The following DLEC1 variants were observed in gnomAD, a reference collection of about 807,000 sequenced individuals.
DLEC1 encodes the protein deleted in lung and esophageal cancer protein 1.
Under a neutral mutation model 198.1 loss-of-function variants are expected in DLEC1, and 146 were observed. The ratio of observed to expected loss-of-function variants is 0.74; its 90% CI spans 0.64 to 0.85. The LOEUF is 0.85. Among genes scored for constraint, DLEC1 ranks in the 40% least tolerant of loss-of-function variants. The pLI, the probability that DLEC1 is intolerant of heterozygous loss-of-function variation, is 0.00. For missense variants in DLEC1, 2,233 were observed against 2,220.0 expected, an observed-to-expected ratio of 1.01 and a Z score of -0.12; for synonymous variants, 897 against 866.8, an observed-to-expected ratio of 1.03 and a Z score of -0.61.
chr3:38,106,041 A>G (rs964820286), intron 19 of DLEC1, among the ~76,000 whole-genome samples: 1 of 152,204 alleles, frequency 6.6e-6, no homozygotes, highest in African/African-American at 2.4e-5. Flanking sequence ...GTAGTCTGAA[A>G]TGTTACTGTA....
At position 38,117,596 on chromosome 3, in the gene DLEC1, G is replaced by A. The variant is rs753576346; in HGVS notation, c.4470G>A (p.Glu1490=). ...FQCQASDLIP[E]QPCSGVLSEL... ...GCCAGGCCAGTGACCTCATTCCCGA[G>A]CAGCCCTGCTCTGGGGTGAGTGTGC... Residue 1490 remains glutamate, a synonymous_variant, in exon 32 of 37, where the codon GAG becomes GAA. Transcript: ENST00000308059. 3.1e-6 allele frequency: 5 copies of A among 1,614,038 alleles called. No individual in the cohort carries two copies. Among genetic ancestry groups the A allele is most frequent in the Non-Finnish European group, 4.2e-6 (5 of 1,180,008 alleles).
At chr3:38,098,896 A>T (rs1268848352) in intron 18 of DLEC1, among the ~76,000 whole-genome samples, 1 of 152,154 alleles carries the variant, frequency 6.6e-6, no homozygotes, top group Non-Finnish European at 1.5e-5. Flanking sequence ...AGTACCTGTT[A>T]CACAGGCTTG....
rs369061348 is a variant in DLEC1, at chr3:38,116,844, G to A, written c.4134G>A (p.Glu1378=). The A allele has an allele frequency of 1.2e-6, 2 of 1,613,710 alleles. No homozygotes were observed. Among genetic ancestry groups the A allele is most frequent in the Admixed American group, 3.3e-5 (2 of 59,974 alleles). ...TCTCAGTCATCCTGCAGGCACATGAGGGGGTGCCCTCCGGCCACCTGTACT... is the reference window on the plus strand; with the variant it reads ...TCTCAGTCATCCTGCAGGCACATGAAGGGGTGCCCTCCGGCCACCTGTACT... The part of the protein sequence containing the change: ...KLISVILQAH[E]GVPSGHLYCI... Residue 1378 remains glutamate, a synonymous_variant, in exon 29 of 37, where the codon GAG becomes GAA. Coordinates refer to ENST00000308059, the MANE Select transcript of DLEC1 (RefSeq NM_007335.4).
chr3:38,061,899 A>G (rs991733031), intron 3 of DLEC1, among the ~76,000 whole-genome samples: 1 of 152,108 alleles, frequency 6.6e-6, no homozygotes, highest in African/African-American at 2.4e-5. Flanking sequence ...GCTGGTGTCA[A>G]CTCCTGGGCT....
rs1296368392 is a variant in DLEC1 at position 38,047,069 on chromosome 3, C to T, written c.562+1376C>T. Among the ~76,000 whole-genome samples the T allele has an allele frequency of 3.3e-5, 5 of 152,128 alleles. No individual in the cohort carries two copies. The East Asian group carries it at 9.6e-4, about 29-fold the overall frequency. On this transcript the variant is annotated intron_variant, in intron 2 of 36. Coordinates refer to ENST00000308059, the MANE Select transcript of DLEC1 (RefSeq NM_007335.4). ...GGGTCACGTGATGTTAACCTCCATC[C>T]CCTGAGTAGGTTGGTGTCTGCCAGG...
intron 9 of DLEC1, among the ~76,000 whole-genome samples, chr3:38,087,536 C>T (rs1698529137): frequency 7.1e-6 from 1 of 140,014 alleles, no homozygotes; most frequent in African/African-American, 2.7e-5. Flanking sequence ...AGCACTGACA[C>T]CATCCATCAG....
chr3:38,114,300 A>C, intron 25 of DLEC1, 42 bp from the exon 26 acceptor site: 45 of 1,603,596 alleles, frequency 2.8e-5, no homozygotes, highest in Non-Finnish European at 3.6e-5. Context: ...ATGTGGTCGC[A>C]ACCGGTGACA....
chr3:38,112,492 C>T lies in DLEC1; in HGVS notation c.3666+131C>T, dbSNP rs535991142. The T allele has an allele frequency of 6.1e-5, 84 of 1,369,392 alleles. No individual in the cohort carries two copies. Among genetic ancestry groups the T allele is most frequent in the Non-Finnish European group, 7.6e-5 (76 of 1,001,440 alleles). The allele number at this position is 1,369,392 out of a possible 1,614,324, so 84.8% of individuals were successfully genotyped here. On this transcript the variant is annotated intron_variant, in intron 25 of 36. Transcript: ENST00000308059. This position sits in a 1 kb window ranked among gnomAD's most constrained non-coding sequence, Gnocchi z 4.8. ...CACCAGGTTGAAACGCGATGCCCAC[C>T]GAGCTTGGGATGGGCATTCGTGTCT...
chr3:38,104,515 A>T (rs1026227823), intron 19 of DLEC1, among the ~76,000 whole-genome samples: 3 of 151,686 alleles, frequency 2.0e-5, no homozygotes, highest in Non-Finnish European at 2.9e-5. Flanking sequence ...GGTAGTTTGC[A>T]TCACTCTAGG....
chr3:38,053,183 C>T (rs1167236275), intron 2 of DLEC1, among the ~76,000 whole-genome samples: 4 of 152,174 alleles, frequency 2.6e-5, no homozygotes, highest in Non-Finnish European at 5.9e-5. Context: ...CCCAAAGTGC[C>T]GAGATTGCAG....
At chr3:38,067,206 A>G (rs1299352631) in intron 6 of DLEC1, among the ~76,000 whole-genome samples, 1 of 152,254 alleles carries the variant, frequency 6.6e-6, no homozygotes, top group South Asian at 2.1e-4. Flanking sequence ...CGGCTAAACT[A>G]TAAAGTGTAA....
chr3:38,062,978 G>A (rs1696777786), intron 5 of DLEC1, among the ~76,000 whole-genome samples, 177 bp downstream of exon 5: 1 of 152,144 alleles, frequency 6.6e-6, no homozygotes, highest in South Asian at 2.1e-4. Flanking sequence ...CTTCCCCAGA[G>A]TCCTGGGTTT....
At chr3:38,084,270 T>C (rs1698229676) in intron 7 of DLEC1, 25 bp downstream of exon 7, 1 of 1,589,284 alleles carries the variant, frequency 6.3e-7, no homozygotes, top group South Asian at 1.1e-5. Context: ...TGTAAGTTCA[T>C]TAGTAGTAGT....
chr3:38,093,862 G>A, intron 12 of DLEC1, 95 bp downstream of exon 12: 2 of 1,466,892 alleles, frequency 1.4e-6, no homozygotes, highest in Non-Finnish European at 1.9e-6. Flanking sequence ...CCAAGGGCCT[G>A]GGGAAGACTG....
intron 6 of DLEC1, among the ~76,000 whole-genome samples, chr3:38,082,183 A>C (rs1285695543): frequency 7.2e-6 from 1 of 138,212 alleles, no homozygotes; most frequent in Non-Finnish European, 1.6e-5. Flanking sequence ...GGCGCTCCCC[A>C]CATCTCAGAC....
At position 38,096,748 on chromosome 3, in the gene DLEC1, G is replaced by T. The variant is rs1401471543; in HGVS notation, c.2340+11G>T. The T allele has an allele frequency of 8.1e-6, 13 of 1,598,878 alleles. No homozygotes were observed. The Middle Eastern group carries it at 5.6e-4, about 68-fold the overall frequency. Reference sequence around the variant, plus strand: ...AAGAAGGCTTTTAAGGTAGGTCATTGTCTCTCCCCTGCCTAGGCTGGCCGA... The same window carrying T: ...AAGAAGGCTTTTAAGGTAGGTCATTTTCTCTCCCCTGCCTAGGCTGGCCGA... On this transcript the variant is annotated intron_variant, in intron 15 of 36. Transcript: ENST00000308059.
rs755728434 is a variant in DLEC1 at position 38,059,749 on chromosome 3, T to C, written c.570T>C (p.Ser190=). The C allele has an allele frequency of 1.9e-6, 3 of 1,613,650 alleles. No homozygotes were observed. Among genetic ancestry groups the C allele is most frequent in the Non-Finnish European group, 2.5e-6 (3 of 1,179,820 alleles). The change falls in exon 3 of 37, where the codon AGT becomes AGC. Residue 190 remains serine (S), a synonymous_variant. Transcript: ENST00000308059. ...ESLVRLPPVK[S]VSRWCIDSEL... ...CCCTTCCCTTCTATGAAGTGAAGAG[T>C]GTCTCCAGATGGTGTATAGACAGCG...
At position 38,109,569 on chromosome 3, in the gene DLEC1, C is replaced by G. The variant is rs766141124; in HGVS notation, c.3260+7C>G. 102 of 1,613,958 alleles carry G rather than the reference C, an allele frequency of 6.3e-5. No individual in the cohort carries two copies. The highest frequency in any genetic ancestry group is 8.3e-5 in the Non-Finnish European group (98 of 1,179,994). On this transcript the variant is annotated splice_region_variant and intron_variant, in intron 22 of 36. Transcript: ENST00000308059. ...AGGAGAGCTCTGATTGCAGGTGAGCCCAGGGTTGGTGGTCTGGGGGTGGCA... is the reference window on the plus strand; with the variant it reads ...AGGAGAGCTCTGATTGCAGGTGAGCGCAGGGTTGGTGGTCTGGGGGTGGCA...
chr3:38,062,128 A>G (rs750009204), intron 3 of DLEC1, 41 bp from the exon 4 acceptor site: 1 of 1,609,422 alleles, frequency 6.2e-7, no homozygotes. Context: ...CCACCTCCTC[A>G]CCTTGTTGCA....
Sources: allele counts gnomAD v4.1 joint callset (sites outside exome capture counted in the v4.1 genomes callset), GRCh38; gene constraint gnomAD v4.1.1; non-coding constraint Gnocchi (gnomAD v3.1); transcripts MANE v1.5; gene names NCBI Gene and HGNC (gene_info 2026-07-23, HGNC 2026-07-21).